SERPINH1: variants seen among roughly 807,000 people sequenced by gnomAD.
SERPINH1 encodes the protein serpin family H member 1, also known as serpin H1.
Under a neutral mutation model 32.3 loss-of-function variants are expected in SERPINH1, and 22 were observed. The observed-to-expected ratio is 0.68, with a 90% CI of 0.49 to 0.97. SERPINH1 has a LOEUF of 0.97. Ranked by LOEUF, SERPINH1 falls within the 50% of genes least tolerant of loss-of-function variation. The probability of loss-of-function intolerance (pLI) is 0.00; values close to 1 mark genes in which losing one functional copy is unlikely to be tolerated. For missense variants in SERPINH1, 543 were observed against 576.4 expected, an observed-to-expected ratio of 0.94 and a Z score of 0.59; for synonymous variants, 251 against 245.9, an observed-to-expected ratio of 1.02 and a Z score of -0.19.
intron 4 of SERPINH1, 37 bp downstream of exon 4, chr11:75,569,208 G>C (rs1256385209): frequency 1.1e-5 from 17 of 1,481,122 alleles, no homozygotes; most frequent in Non-Finnish European, 1.5e-5. Context: ...TGCAGGCCTT[G>C]GAGCCAGGGG....
chr11:75,562,470 G>T (rs1334741953), intron 1 of SERPINH1, 151 bp downstream of exon 1: 1 of 152,210 alleles, frequency 6.6e-6, no homozygotes, highest in Non-Finnish European at 1.5e-5. Context: ...CACTTTGGGG[G>T]CCGCTGGAGG....
Position 75,571,529 on chromosome 11 carries a change from C to T in SERPINH1, c.955-252C>T, listed in dbSNP as rs574393628. 2.2e-4 allele frequency among the ~76,000 whole-genome samples: 34 copies of T among 152,330 alleles called. No homozygotes were observed. The South Asian group carries it at 6.2e-3, about 28-fold the overall frequency. ...ACTGCAGCTGGGCAGTGCCGGGATA[C>T]GTTCTCACTTGTTTTTCTGAGTCTC... On this transcript the variant is annotated intron_variant, in intron 4 of 4. Coordinates refer to ENST00000358171, the MANE Select transcript of SERPINH1 (RefSeq NM_001235.5).
Position 75,564,830 on chromosome 11 carries a change from G to A in SERPINH1, c.-34-1486G>A, listed in dbSNP as rs1046998727. Among the ~76,000 whole-genome samples the A allele has an allele frequency of 4.6e-5, 7 of 152,188 alleles. No homozygotes were observed. In the East Asian group the frequency reaches 9.6e-4, roughly 21 times the overall value. The stretch of plus-strand genomic sequence containing the variant: ...AGGCTCCGAGGAGGGAGGCAGTCCC[G>A]GGAGATGGGGAGCCTGTCCAGGTTT... On this transcript the variant is annotated intron_variant, in intron 1 of 4. Coordinates refer to ENST00000358171, the MANE Select transcript of SERPINH1 (RefSeq NM_001235.5).
intron 4 of SERPINH1, among the ~76,000 whole-genome samples, chr11:75,571,358 G>C (rs556596785): frequency 4.3e-4 from 66 of 152,280 alleles, no homozygotes; most frequent in African/African-American, 1.5e-3. Flanking sequence ...TCTCAAACTT[G>C]AGTATGCTAA....
chr11:75,564,480 G>C (rs1421843746), intron 1 of SERPINH1, among the ~76,000 whole-genome samples: 1 of 152,222 alleles, frequency 6.6e-6, no homozygotes, highest in Admixed American at 6.5e-5. Context: ...GTCTGGATCA[G>C]AGGTGGCTTT....
intron 3 of SERPINH1, 29 bp from the exon 4 acceptor site, chr11:75,568,910 G>A: frequency 6.3e-7 from 1 of 1,599,978 alleles, no homozygotes; most frequent in Non-Finnish European, 8.6e-7. Context: ...CACACAGGGT[G>A]CCCAGTGTCC....
chr11:75,568,535 C>G, intron 2 of SERPINH1, 196 bp from the exon 3 acceptor site: 1 of 650,020 alleles, frequency 1.5e-6, no homozygotes, highest in Non-Finnish European at 2.8e-6. Flanking sequence ...GATGGCATGT[C>G]CTGGGGCCAA....
At position 75,566,647 on chromosome 11, in the gene SERPINH1, G is replaced by A. The variant is rs749665611; in HGVS notation, c.298G>A (p.Glu100Lys). 8.0e-5 allele frequency: 129 copies of A among 1,607,426 alleles called. No homozygotes were observed. The Middle Eastern group carries it at 1.1e-3, about 14-fold the overall frequency. The part of the protein sequence containing the change: ...ASQAKAVLSA[E>K]QLRDEEVHAG... ...GCAGGCCAAGGCAGTGCTGAGCGCC[G>A]AGCAGCTGCGCGACGAGGAGGTGCA... The change falls in exon 2 of 5, where the codon GAG becomes AAG. Residue 100 changes from glutamate (E) to lysine (K), a missense_variant. Coordinates refer to ENST00000358171, the MANE Select transcript of SERPINH1 (RefSeq NM_001235.5).
intron 2 of SERPINH1, among the ~76,000 whole-genome samples, chr11:75,567,582 A>G (rs923714685): frequency 1.4e-4 from 22 of 152,318 alleles, no homozygotes; most frequent in African/African-American, 5.1e-4. Flanking sequence ...TCGGCCTCCC[A>G]AAGTGCTGGG....
chr11:75,572,643 T>TG lies in SERPINH1; in HGVS notation c.*564dup, dbSNP rs943521524. ...TCAAGAAGCATCGTGTCTGGCGTTG[T>TG]GGGGATGAACTTTTTGTTTTGTTTC... On this transcript the variant is annotated 3_prime_UTR_variant, in exon 5 of 5. Coordinates refer to ENST00000358171, the MANE Select transcript of SERPINH1 (RefSeq NM_001235.5). The TG allele has an allele frequency of 6.2e-6, 1 of 160,046 alleles. No individual in the cohort carries two copies. Among genetic ancestry groups the TG allele is most frequent in the African/African-American group, 2.4e-5 (1 of 41,550 alleles). The allele number at this position is 160,046 out of a possible 1,614,324, so 9.9% of individuals were successfully genotyped here. A position where few individuals can be genotyped will look rare whatever the true frequency, so the allele number is the denominator to read the frequency against.
chr11:75,564,062 C>T (rs891099701), intron 1 of SERPINH1, among the ~76,000 whole-genome samples: 1 of 152,214 alleles, frequency 6.6e-6, no homozygotes, highest in South Asian at 2.1e-4. Context: ...GCGCATTTCC[C>T]TTCAGAGATT....
rs913843138 is a variant in SERPINH1, at chr11:75,566,609, C to T, written c.260C>T (p.Ala87Val). Residue 87 changes from alanine (A) to valine (V), a missense_variant, in exon 2 of 5, where the codon GCG becomes GTG. Coordinates refer to ENST00000358171, the MANE Select transcript of SERPINH1 (RefSeq NM_001235.5). ...SLGLVSLGGK[A>V]TTASQAKAVL... is the part of the protein sequence containing the mutation. ...GGGCTCGTGTCGCTGGGCGGCAAGG[C>T]GACCACGGCGTCGCAGGCCAAGGCA... The T allele has an allele frequency of 1.9e-6, 3 of 1,607,460 alleles. No homozygotes were observed. The highest frequency in any genetic ancestry group is 2.5e-6 in the Non-Finnish European group (3 of 1,179,078).
chr11:75,563,819 A>G (rs1312111875), intron 1 of SERPINH1: 1 of 152,610 alleles, frequency 6.6e-6, no homozygotes, highest in Admixed American at 6.5e-5. Context: ...GGGTCCCATC[A>G]TCTCCTCCCC....
At chr11:75,569,219 G>A in intron 4 of SERPINH1, 48 bp downstream of exon 4, 3 of 1,432,314 alleles carry the variant, frequency 2.1e-6, no homozygotes, top group South Asian at 1.2e-5. Context: ...GAGCCAGGGG[G>A]AGGTGCTTGG....
In SERPINH1 at chr11:75,568,959, G is replaced by C. The variant is rs765236669; in HGVS notation, c.742G>C (p.Asp248His). ...CCCAGGCCTCTACAACTACTACGACGACGAGAAGGAAAAGCTGCAAATCGT... is the reference window on the plus strand; with the variant it reads ...CCCAGGCCTCTACAACTACTACGACCACGAGAAGGAAAAGCTGCAAATCGT... Reference protein sequence around the residue: ...HRTGLYNYYDDEKEKLQIVEM... With the variant: ...HRTGLYNYYDHEKEKLQIVEM... The change falls in exon 4 of 5, where the codon GAC becomes CAC. Residue 248 changes from aspartate to histidine, a missense_variant. By Grantham distance (81) the Asp-to-His change is moderately conservative. This residue lies in a region of SERPINH1 where 427 missense variants were observed against 446.4 expected (regional missense o/e 0.96). Transcript: ENST00000358171. 3 of 1,613,948 alleles carry C rather than the reference G, an allele frequency of 1.9e-6. No homozygotes were observed. The South Asian group carries it at 3.3e-5, about 18-fold the overall frequency.
At position 75,568,723 on chromosome 11, in the gene SERPINH1, A is replaced by C. The variant is rs550785236; in HGVS notation, c.623-8A>C. The C allele has an allele frequency of 1.2e-6, 2 of 1,608,000 alleles. No individual in the cohort carries two copies. Among genetic ancestry groups the C allele is most frequent in the East Asian group, 4.5e-5 (2 of 44,852 alleles). On this transcript the variant is annotated splice_region_variant and splice_polypyrimidine_tract_variant and intron_variant, in intron 2 of 4. Transcript: ENST00000358171. ...TGTCTCTGACCCTGTGTTTTGCCCCAACTACAGCACACTGGGATGAGAAAT... is the reference window on the plus strand; with the variant it reads ...TGTCTCTGACCCTGTGTTTTGCCCCCACTACAGCACACTGGGATGAGAAAT...
intron 3 of SERPINH1, 42 bp from the exon 4 acceptor site, chr11:75,568,897 C>T: frequency 6.2e-7 from 1 of 1,603,792 alleles, no homozygotes; most frequent in Non-Finnish European, 8.5e-7. Context: ...TGACCCACCC[C>T]TGCACACAGG....
In SERPINH1 at chr11:75,569,030, G is replaced by A; in HGVS notation, c.813G>A (p.Met271Ile). 8 of 1,614,212 alleles carry A rather than the reference G, an allele frequency of 5.0e-6. No individual in the cohort carries two copies. The highest frequency in any genetic ancestry group is 5.9e-6 in the Non-Finnish European group (7 of 1,180,032). Residue 271 changes from methionine (M) to isoleucine (I), a missense_variant, in exon 4 of 5, where the codon ATG becomes ATA. This residue lies in a region of SERPINH1 where 427 missense variants were observed against 446.4 expected (regional missense o/e 0.96). Transcript: ENST00000358171. ...AGCTCTCCAGCCTCATCATCCTCAT[G>A]CCCCATCACGTGGAGCCTCTCGAGC... ...AHKLSSLIILMPHHVEPLERL... is the reference protein window; with the variant it reads ...AHKLSSLIILIPHHVEPLERL...
chr11:75,565,615 GACACACAC>G (rs35096125), intron 1 of SERPINH1, among the ~76,000 whole-genome samples: 2 of 151,514 alleles, frequency 1.3e-5, no homozygotes, highest in African/African-American at 4.9e-5. Context: ...GTGGACACAG[GACACACAC>G]ACACACACTC....
Sources: gnomAD v4.1 joint callset for allele counts (sites outside exome capture counted in the v4.1 genomes callset) on GRCh38, gnomAD v4.1.1 for gene constraint, gnomAD v4.1.1 regional missense constraint, MANE v1.5 for transcripts, NCBI Gene and HGNC (gene_info 2026-07-23, HGNC 2026-07-21) for gene names.